Variants in TAMM41 observed in about 807,000 individuals in gnomAD.
TAMM41 encodes TAM41 mitochondrial translocator assembly and maintenance homolog.
A neutral mutation model predicts 44.1 loss-of-function variants in TAMM41; 36 were observed. That is an observed-to-expected ratio of 0.82 (90% CI 0.63 to 1.08). The LOEUF is 1.08. Ranked by LOEUF, TAMM41 falls within the 50% of genes least tolerant of loss-of-function variation. The pLI, the probability that TAMM41 is intolerant of heterozygous loss-of-function variation, is 0.00. For missense variants in TAMM41, 417 were observed against 404.3 expected (o/e 1.03, Z -0.27); for synonymous variants, 164 against 153.1 (o/e 1.07, Z -0.53).
Position 11,829,854 on chromosome 3 carries a change from A to T in TAMM41, c.422T>A (p.Ile141Asn), listed in dbSNP as rs755556614. 3 of 1,614,154 alleles carry T rather than the reference A, an allele frequency of 1.9e-6. No homozygotes were observed. The highest frequency in any genetic ancestry group is 2.5e-6 in the Non-Finnish European group (3 of 1,180,020). The change falls in exon 4 of 8, where the codon ATC becomes AAC. Residue 141 changes from isoleucine (I) to asparagine (N), a missense_variant. Coordinates refer to ENST00000455809, the MANE Select transcript of TAMM41 (RefSeq NM_001284401.2). ...AAGAGTGACATCCTCGTTCACTGAGATAATTTTCACCTGAAAGAAGCAGAA... is the reference window on the plus strand; with the variant it reads ...AAGAGTGACATCCTCGTTCACTGAGTTAATTTTCACCTGAAAGAAGCAGAA... ...AGRLQKPVKI[I>N]SVNEDVTLRS...
the TAMM41 span, among the ~76,000 whole-genome samples, chr3:11,777,434 G>GA: frequency 4.7e-4 from 72 of 152,298 alleles, no homozygotes; most frequent in South Asian, 1.0e-3. Context: ...AAGCAGCATT[G>GA]AAAAACTTTC....
the TAMM41 span, among the ~76,000 whole-genome samples, chr3:11,757,753 C>A: frequency 2.6e-5 from 4 of 152,214 alleles, no homozygotes; most frequent in Admixed American, 2.6e-4. Context: ...TGTGTCACTT[C>A]CCCTCAATCA....
chr3:11,833,692 C>T (rs1435785201), intron 3 of TAMM41, among the ~76,000 whole-genome samples: 1 of 152,154 alleles, frequency 6.6e-6, no homozygotes, highest in African/African-American at 2.4e-5. Context: ...ATGAATGACT[C>T]AATCTGTGCA....
intron 7 of TAMM41, among the ~76,000 whole-genome samples, chr3:11,804,999 T>TC (rs1375760383): frequency 1.8e-5 from 2 of 112,300 alleles, no homozygotes; most frequent in African/African-American, 9.4e-5. Context: ...CCCAGCCCTT[T>TC]TTTTTTTTTT....
At chr3:11,805,354 C>A (rs1259483574) in intron 7 of TAMM41, among the ~76,000 whole-genome samples, 1 of 152,132 alleles carries the variant, frequency 6.6e-6, no homozygotes, top group African/African-American at 2.4e-5. Flanking sequence ...CCAGGCTGAT[C>A]TCAAACTCCA....
rs60428671 is a variant in TAMM41, at chr3:11,842,707, GA to G, written c.318+1321del. Among the ~76,000 whole-genome samples the G allele has an allele frequency of 2.9e-3, 424 of 148,068 alleles. 1 individual carries two copies. The highest frequency in any genetic ancestry group is 4.5e-3 in the Non-Finnish European group (300 of 66,982). On this transcript the variant is annotated intron_variant, in intron 2 of 7. Coordinates refer to ENST00000455809, the MANE Select transcript of TAMM41 (RefSeq NM_001284401.2). ...AGACCCTGTTTCAAAAAAAGAAAAAGAAAAAAAAAAGGCAGAATCTCAGGTT... is the reference window on the plus strand; with the variant it reads ...AGACCCTGTTTCAAAAAAAGAAAAAGAAAAAAAAAGGCAGAATCTCAGGTT...
chr3:11,722,589 G>A, the TAMM41 span, among the ~76,000 whole-genome samples: 1 of 152,110 alleles, frequency 6.6e-6, no homozygotes, highest in Non-Finnish European at 1.5e-5. Flanking sequence ...AATAATTTTA[G>A]TGGTACATAT....
At chr3:11,759,845 G>A in the TAMM41 span, among the ~76,000 whole-genome samples, 13 of 152,032 alleles carry the variant, frequency 8.6e-5, no homozygotes, top group South Asian at 6.2e-4. Context: ...GTGGTGGCAC[G>A]CGCCTGTAAT....
chr3:11,813,558 G>A (rs1259653458), intron 5 of TAMM41, among the ~76,000 whole-genome samples: 1 of 151,934 alleles, frequency 6.6e-6, no homozygotes, highest in Non-Finnish European at 1.5e-5. Flanking sequence ...AAAATAGCTA[G>A]GTCTTTGCCT....
chr3:11,827,309 CTT>C (rs11353823), intron 4 of TAMM41, among the ~76,000 whole-genome samples: 48 of 142,004 alleles, frequency 3.4e-4, no homozygotes, highest in Admixed American at 7.0e-4. Flanking sequence ...CTTTTCTTTT[CTT>C]TTTTTTTTTT....
chr3:11,816,640 C>T (rs754428644), intron 5 of TAMM41, among the ~76,000 whole-genome samples: 8 of 152,094 alleles, frequency 5.3e-5, no homozygotes, highest in Non-Finnish European at 1.2e-4. Flanking sequence ...GTGGCATGCA[C>T]CTGTAGTCCC....
downstream of TAMM41, among the ~76,000 whole-genome samples, chr3:11,785,847 G>A (rs1260416694): frequency 6.6e-6 from 1 of 150,604 alleles, no homozygotes; most frequent in African/African-American, 2.4e-5. Context: ...TCAAACTCCT[G>A]AGCTCAAGCA....
rs187805882 is a variant in TAMM41, at chr3:11,790,446, G to A, written c.*59C>T. ...GGGTCAAAGTAACAAACACTGTTCT[G>A]TCAAAAAGGATCAAACACTTTATTC... On this transcript the variant is annotated 3_prime_UTR_variant, in exon 8 of 8. Coordinates refer to ENST00000455809, the MANE Select transcript of TAMM41 (RefSeq NM_001284401.2). 6 of 1,452,146 alleles carry A rather than the reference G, an allele frequency of 4.1e-6. No individual in the cohort carries two copies. The Admixed American group carries it at 8.6e-5, about 21-fold the overall frequency. 90.0% of individuals were successfully genotyped at this position (1,452,146 alleles called of 1,614,324 possible).
rs1013716505 is a variant in TAMM41, at chr3:11,846,693, G to GA, written c.-58dup. 20 of 1,610,882 alleles carry GA rather than the reference G, an allele frequency of 1.2e-5. No homozygotes were observed. The African/African-American group carries it at 2.5e-4, about 20-fold the overall frequency. ...AGCAGGGCGAGGACAACCGGGCGGG[G>GA]AACAGACACCGGGTAGGCGGTTTAG... On this transcript the variant is annotated 5_prime_UTR_variant, in exon 1 of 8. Coordinates refer to ENST00000455809, the MANE Select transcript of TAMM41 (RefSeq NM_001284401.2).
intron 3 of TAMM41, 87 bp from the exon 4 acceptor site, chr3:11,829,951 A>C (rs2078916635): frequency 7.5e-7 from 1 of 1,326,180 alleles, no homozygotes; most frequent in South Asian, 1.3e-5. Flanking sequence ...AACTATCTCA[A>C]ACTCTCTTCC....
chr3:11,812,327 A>AT (rs1317934719), intron 5 of TAMM41, among the ~76,000 whole-genome samples: 1 of 152,212 alleles, frequency 6.6e-6, no homozygotes, highest in Non-Finnish European at 1.5e-5. Context: ...GGTAAGGCAG[A>AT]TAATTTTATG....
downstream of TAMM41, among the ~76,000 whole-genome samples, chr3:11,789,435 A>C (rs2077437249): frequency 6.6e-6 from 1 of 152,206 alleles, no homozygotes; most frequent in South Asian, 2.1e-4. Flanking sequence ...GTTCAATCAA[A>C]TAGATTCATA....
At chr3:11,787,748 T>TG (rs2077425536), downstream of TAMM41, among the ~76,000 whole-genome samples, 1 of 152,124 alleles carries the variant, frequency 6.6e-6, no homozygotes, top group African/African-American at 2.4e-5. Flanking sequence ...ATATAGAAAC[T>TG]AAGGTTCAGA....
the TAMM41 span, among the ~76,000 whole-genome samples, chr3:11,752,625 CTTTT>C: frequency 1.4e-3 from 56 of 39,940 alleles, no homozygotes; most frequent in African/African-American, 4.5e-3. Context: ...TCTTACAAAG[CTTTT>C]TTTTTTTTTT....
Sources: allele counts gnomAD v4.1 joint callset (sites outside exome capture counted in the v4.1 genomes callset), GRCh38; gene constraint gnomAD v4.1.1; transcripts MANE v1.5; gene names NCBI Gene and HGNC (gene_info 2026-07-23, HGNC 2026-07-21).